The following SCAF1 variants were observed in gnomAD, a reference collection of about 807,000 sequenced individuals.
The protein encoded by SCAF1 is SR-related CTD associated factor 1.
Under a neutral mutation model 91.2 loss-of-function variants are expected in SCAF1, and 28 were observed. The ratio of observed to expected loss-of-function variants is 0.31; its 90% CI spans 0.23 to 0.42. The LOEUF (loss-of-function observed/expected upper bound fraction) is 0.42. Among genes scored for constraint, SCAF1 ranks in the 10% least tolerant of loss-of-function variants. The pLI is 1.00. For missense variants in SCAF1, 1,893 were observed against 1,872.1 expected (o/e 1.01, Z -0.21); for synonymous variants, 1,036 against 833.7 (o/e 1.24, Z -4.18).
At chr19:49,657,271 C>T (rs1464965226) in intron 9 of SCAF1, among the ~76,000 whole-genome samples, 1 of 152,006 alleles carries the variant, frequency 6.6e-6, no homozygotes, top group Non-Finnish European at 1.5e-5. Context: ...CAGTCCCCAC[C>T]CCCACTCCCC....
chr19:49,651,658 C>T lies in SCAF1; in HGVS notation c.1269C>T (p.Ala423=), dbSNP rs1178116340. The T allele has an allele frequency of 9.1e-6, 13 of 1,422,166 alleles. No homozygotes were observed. The highest frequency in any genetic ancestry group is 1.5e-5 in the African/African-American group (1 of 65,656). 88.1% of individuals were successfully genotyped at this position (1,422,166 alleles called of 1,614,324 possible). A position where few individuals can be genotyped will look rare whatever the true frequency, so the allele number is the denominator to read the frequency against. ...GGGCCGCCCGGCCTACACCGGCCGC[C>T]TCGGCCACCCCCACGGCCCAGCCCC... ...GGRAARPTPA[A]SATPTAQPLP... is the part of the protein sequence containing the mutation. The change falls in exon 7 of 11, where the codon GCC becomes GCT. Residue 423 remains alanine (A), a synonymous_variant. Coordinates refer to ENST00000360565, the MANE Select transcript of SCAF1 (RefSeq NM_021228.3).
upstream of SCAF1, chr19:49,642,162 C>G (rs1439463394): frequency 1.3e-5 from 2 of 152,206 alleles, no homozygotes; most frequent in East Asian, 3.9e-4. The surrounding 1 kb of genome is among the most constrained non-coding windows in gnomAD (Gnocchi z 4.0). Flanking sequence ...TTAGCTCCGC[C>G]TCTCTCCTCC....
chr19:49,653,242 C>T lies in SCAF1; in HGVS notation c.2853C>T (p.Ser951=), dbSNP rs775402129. The T allele has an allele frequency of 1.9e-5, 28 of 1,495,800 alleles. No individual in the cohort carries two copies. In the East Asian group the frequency reaches 6.4e-4, roughly 34 times the overall value. The allele number at this position is 1,495,800 out of a possible 1,614,324, so 92.7% of individuals were successfully genotyped here. The change falls in exon 7 of 11, where the codon AGC becomes AGT. Residue 951 remains serine (S), a synonymous_variant. Coordinates refer to ENST00000360565, the MANE Select transcript of SCAF1 (RefSeq NM_021228.3). ...SLKKSKADSC[S]QAAGTKGAEE... ...AGAAGTCCAAGGCGGATAGCTGCAG[C>T]CAGGCGGCAGGCACCAAGGGGGCGG...
In SCAF1 at chr19:49,650,928, G is replaced by T; in HGVS notation, c.539G>T (p.Gly180Val). Reference sequence around the variant, plus strand: ...GCCCGTCACCTCACCTTGGGCACGGGAGACGGGGGCCCTGCCCCACCCCCT... The same window carrying T: ...GCCCGTCACCTCACCTTGGGCACGGTAGACGGGGGCCCTGCCCCACCCCCT... The part of the protein sequence containing the change: ...TCARHLTLGT[G>V]DGGPAPPPAP... Residue 180 changes from glycine (G) to valine (V), a missense_variant, in exon 7 of 11, where the codon GGA becomes GTA. Gly to Val is a moderately radical substitution (Grantham distance 109). Around this residue, in one of 5 missense-constraint regions of SCAF1, gnomAD observed 270 missense variants for 292.5 expected, o/e 0.92. Coordinates refer to ENST00000360565, the MANE Select transcript of SCAF1 (RefSeq NM_021228.3). 1 of 1,606,512 alleles carries T rather than the reference G, an allele frequency of 6.2e-7. No individual in the cohort carries two copies.
chr19:49,652,964 C>T lies in SCAF1; in HGVS notation c.2575C>T (p.Leu859=), dbSNP rs2081110614. 6.2e-7 allele frequency: 1 copy of T among 1,613,970 alleles called. No individual in the cohort carries two copies. The highest frequency in any genetic ancestry group is 1.1e-5 in the South Asian group (1 of 91,078). ...GGCCAAGGATGCCGCGTCAGCCGGCCTGGGCTCCATTGGCGTCAAATTCAG... is the reference window on the plus strand; with the variant it reads ...GGCCAAGGATGCCGCGTCAGCCGGCTTGGGCTCCATTGGCGTCAAATTCAG... ...TPAKDAASAG[L]GSIGVKFSRD... Residue 859 remains leucine (L), a synonymous_variant, in exon 7 of 11, where the codon CTG becomes TTG. Coordinates refer to ENST00000360565, the MANE Select transcript of SCAF1 (RefSeq NM_021228.3).
rs1262221252 is a variant in SCAF1, at chr19:49,652,110, CCCG to C, written c.1723_1725del (p.Arg575del). On this transcript the variant is annotated inframe_deletion, in exon 7 of 11. Transcript: ENST00000360565. ...GCCTCGTCGTCCGCCCGCCGCCGCT[CCCG>C]CTCCCGCTCCCGCTCCCGCTCCACC... The C allele has an allele frequency of 7.0e-6, 3 of 426,360 alleles. No homozygotes were observed. The highest frequency in any genetic ancestry group is 6.4e-4 in the African/African-American group (1 of 1,562). 26.4% of individuals were successfully genotyped at this position (426,360 alleles called of 1,614,324 possible).
chr19:49,651,847 C>T lies in SCAF1; in HGVS notation c.1458C>T (p.Ile486=), dbSNP rs1447832019. 4 of 1,256,530 alleles carry T rather than the reference C, an allele frequency of 3.2e-6. No homozygotes were observed. In the Admixed American group the frequency reaches 1.8e-4, roughly 57 times the overall value. 77.8% of individuals were successfully genotyped at this position (1,256,530 alleles called of 1,614,324 possible). ...RWGGLDLRRK[I]LTQRRERYRQ... ...GCGGCCTGGACCTGCGCCGCAAGAT[C>T]CTGACCCAACGGCGGGAGCGCTACC... is the stretch of plus-strand genomic sequence containing the variant. The change falls in exon 7 of 11, where the codon ATC becomes ATT. Residue 486 remains isoleucine (I), a synonymous_variant. Coordinates refer to ENST00000360565, the MANE Select transcript of SCAF1 (RefSeq NM_021228.3).
At chr19:49,653,760 T>C in intron 7 of SCAF1, 55 bp downstream of exon 7, 2 of 1,437,112 alleles carry the variant, frequency 1.4e-6, no homozygotes, top group Non-Finnish European at 1.8e-6. Context: ...GGATGGGGAC[T>C]GGAGGGTACA....
chr19:49,646,037 T>A lies in SCAF1; in HGVS notation c.167-71T>A, dbSNP rs1035984487. On this transcript the variant is annotated intron_variant, in intron 3 of 10. Transcript: ENST00000360565. This position sits in a 1 kb window ranked among gnomAD's most constrained non-coding sequence, Gnocchi z 5.6. The stretch of plus-strand genomic sequence containing the variant: ...GCTGTCAGGAACTAGATCAAGCTCC[T>A]CTTTCCTCTACCCCGCAAGTCTCTG... The A allele has an allele frequency of 2.8e-6, 4 of 1,414,972 alleles. No individual in the cohort carries two copies. In the Admixed American group the frequency reaches 5.2e-5, roughly 18 times the overall value. The allele number at this position is 1,414,972 out of a possible 1,614,324, so 87.7% of individuals were successfully genotyped here. A position where few individuals can be genotyped will look rare whatever the true frequency, so the allele number is the denominator to read the frequency against.
chr19:49,656,961 C>T (rs1296873872), intron 9 of SCAF1, among the ~76,000 whole-genome samples: 1 of 152,148 alleles, frequency 6.6e-6, no homozygotes, highest in Non-Finnish European at 1.5e-5. Flanking sequence ...TCAAGATCAG[C>T]TTGGGCAACA....
In SCAF1 at chr19:49,648,559, C is replaced by CA. The variant is rs1175477143; in HGVS notation, c.478+1730dup. Among the ~76,000 whole-genome samples the CA allele has an allele frequency of 3.4e-4, 43 of 124,710 alleles. No individual in the cohort carries two copies. In the Admixed American group the frequency reaches 3.5e-3, roughly 10 times the overall value. 81.8% of individuals were successfully genotyped at this position (124,710 alleles called of 152,430 possible). A position where few individuals can be genotyped will look rare whatever the true frequency, so the allele number is the denominator to read the frequency against. ...CAGGCATGAGCCACCATGCCTGCCA[C>CA]ACCCCCCCCCCTTTTTTTTTAACAG... On this transcript the variant is annotated intron_variant, in intron 6 of 10. Coordinates refer to ENST00000360565, the MANE Select transcript of SCAF1 (RefSeq NM_021228.3).
chr19:49,653,692 C>A lies in SCAF1; in HGVS notation c.3303C>A (p.Ser1101Arg). The A allele has an allele frequency of 6.4e-7, 1 of 1,570,502 alleles. No homozygotes were observed. Residue 1101 changes from serine (S) to arginine (R), a missense_variant, in exon 7 of 11, where the codon AGC (serine) becomes AGA (arginine). Coordinates refer to ENST00000360565, the MANE Select transcript of SCAF1 (RefSeq NM_021228.3). The part of the protein sequence containing the change: ...NLPAGVDCTT[S>R]GVLALTALLF... ...CAGCTGGTGTGGACTGCACCACCAG[C>A]GGCGTCCTGGCCTGTGAGTGTCCCC...
rs967003820 is a variant in SCAF1 at position 49,653,419 on chromosome 19, G to A, written c.3030G>A (p.Glu1010=). ...CTGAGGTCTCCTTCCTGCCCGAGGAGGCCACTGAGGAGGCTGGGGTCCGAG... is the reference window on the plus strand; with the variant it reads ...CTGAGGTCTCCTTCCTGCCCGAGGAAGCCACTGAGGAGGCTGGGGTCCGAG... The part of the protein sequence containing the change: ...KTPEVSFLPE[E]ATEEAGVRGG... Residue 1010 remains glutamate, a synonymous_variant, in exon 7 of 11, where the codon GAG becomes GAA. Coordinates refer to ENST00000360565, the MANE Select transcript of SCAF1 (RefSeq NM_021228.3). 1 of 1,548,790 alleles carries A rather than the reference G, an allele frequency of 6.5e-7. No individual in the cohort carries two copies. The highest frequency in any genetic ancestry group is 1.4e-5 in the African/African-American group (1 of 73,480).
Position 49,654,837 on chromosome 19 carries a change from C to T in SCAF1, c.3585C>T (p.Ser1195=). The T allele has an allele frequency of 1.2e-6, 2 of 1,609,546 alleles. No homozygotes were observed. The highest frequency in any genetic ancestry group is 2.2e-5 in the South Asian group (2 of 90,814). Residue 1195 remains serine (S), a synonymous_variant, in exon 9 of 11, where the codon AGC becomes AGT. Coordinates refer to ENST00000360565, the MANE Select transcript of SCAF1 (RefSeq NM_021228.3). ...CCACGTCTGACAAGAGAGAGGGCAG[C>T]AGCAGCTCTGAGGGCCGTGGGGACA... is the stretch of plus-strand genomic sequence containing the variant. ...LAATSDKREG[S]SSSEGRGDTD...
chr19:49,650,952 C>CG lies in SCAF1; in HGVS notation c.563_564insG (p.Ala189CysfsTer41). 1 of 1,551,048 alleles carries CG rather than the reference C, an allele frequency of 6.4e-7. No individual in the cohort carries two copies. Among genetic ancestry groups the CG allele is most frequent in the African/African-American group, 1.4e-5 (1 of 72,462 alleles). On this transcript the variant is annotated frameshift_variant, in exon 7 of 11. Coordinates refer to ENST00000360565, the MANE Select transcript of SCAF1 (RefSeq NM_021228.3). LOFTEE classifies it high-confidence loss of function. The stretch of plus-strand genomic sequence containing the variant: ...GGAGACGGGGGCCCTGCCCCACCCC[C>CG]TGCCCCCTCCTCTGCATCCTCCTCC...
intron 9 of SCAF1, 54 bp from the exon 10 acceptor site, chr19:49,657,707 G>C (rs983204358): frequency 6.4e-6 from 10 of 1,550,912 alleles, no homozygotes; most frequent in East Asian, 2.4e-5. Context: ...TGGAGGTTCC[G>C]CAGGTACTCA....
At position 49,653,499 on chromosome 19, in the gene SCAF1, A is replaced by T. The variant is rs1446040457; in HGVS notation, c.3110A>T (p.Glu1037Val). ...EEEEEEEEEE[E>V]EEQQPATTTA... ...GAAGAGGAGGAGGAAGAGGAAGAGGAGGAGGAGCAGCAGCCTGCTACCACC... is the reference window on the plus strand; with the variant it reads ...GAAGAGGAGGAGGAAGAGGAAGAGGTGGAGGAGCAGCAGCCTGCTACCACC... Residue 1037 changes from glutamate (E) to valine (V), a missense_variant, in exon 7 of 11, where the codon GAG becomes GTG. This residue lies in a region of SCAF1 where 1,436 missense variants were observed against 1,306.8 expected (regional missense o/e 1.10). Coordinates refer to ENST00000360565, the MANE Select transcript of SCAF1 (RefSeq NM_021228.3). 6.4e-7 allele frequency: 1 copy of T among 1,565,256 alleles called. No individual in the cohort carries two copies. Among genetic ancestry groups the T allele is most frequent in the Non-Finnish European group, 8.6e-7 (1 of 1,159,648 alleles).
intron 6 of SCAF1, among the ~76,000 whole-genome samples, chr19:49,648,901 T>C (rs1447014093): frequency 6.9e-6 from 1 of 145,940 alleles, no homozygotes; most frequent in Admixed American, 7.2e-5. Flanking sequence ...AACCAGGAGA[T>C]GGAGGTTGCA....
rs1245041776 is a variant in SCAF1, at chr19:49,653,687, A to G, written c.3298A>G (p.Thr1100Ala). Residue 1100 changes from threonine (T) to alanine (A), a missense_variant, in exon 7 of 11, where the codon ACC (threonine) becomes GCC (alanine). By Grantham distance (58) the Thr-to-Ala change is moderately conservative. Coordinates refer to ENST00000360565, the MANE Select transcript of SCAF1 (RefSeq NM_021228.3). ...WNLPAGVDCT[T>A]SGVLALTALL... ...TCTGCCAGCTGGTGTGGACTGCACC[A>G]CCAGCGGCGTCCTGGCCTGTGAGTG... The G allele has an allele frequency of 6.3e-7, 1 of 1,574,844 alleles. No homozygotes were observed. The highest frequency in any genetic ancestry group is 8.6e-7 in the Non-Finnish European group (1 of 1,166,044).
Sources: gnomAD v4.1 joint callset for allele counts (sites outside exome capture counted in the v4.1 genomes callset) on GRCh38, gnomAD v4.1.1 for gene constraint, gnomAD v4.1.1 regional missense constraint, Gnocchi (gnomAD v3.1) non-coding constraint, MANE v1.5 for transcripts, NCBI Gene and HGNC (gene_info 2026-07-23, HGNC 2026-07-21) for gene names.